Variants in BLK observed in about 807,000 individuals in gnomAD.
BLK encodes the protein BLK proto-oncogene, Src family tyrosine kinase.
In BLK, 64 loss-of-function variants were observed where a neutral mutation model predicts 61.8. The observed-to-expected ratio is 1.03, with a 90% CI of 0.85 to 1.27. The LOEUF is 1.27. Among genes scored for constraint, BLK ranks in the 50% most tolerant of loss-of-function variants. BLK has a pLI of 0.00. For missense variants in BLK, 853 were observed against 660.5 expected, an observed-to-expected ratio of 1.29 and a Z score of -3.19; for synonymous variants, 351 against 272.0, an observed-to-expected ratio of 1.29 and a Z score of -2.86.
intron 1 of BLK, among the ~76,000 whole-genome samples, chr8:11,506,951 T>C (rs1798793544): frequency 6.6e-6 from 1 of 152,196 alleles, no homozygotes; most frequent in Non-Finnish European, 1.5e-5. Flanking sequence ...TTCTTTTGTC[T>C]CTCTTTCTGC....
At chr8:11,515,943 C>G (rs558848536) in intron 1 of BLK, among the ~76,000 whole-genome samples, 1 of 152,328 alleles carries the variant, frequency 6.6e-6, no homozygotes. Context: ...CTTTGGGAGG[C>G]TTTTGTATCC....
rs1319161418 is a variant in BLK at position 11,548,142 on chromosome 8, C to A, written c.269+17C>A. The A allele has an allele frequency of 1.9e-6, 3 of 1,598,092 alleles. No homozygotes were observed. The highest frequency in any genetic ancestry group is 2.6e-6 in the Non-Finnish European group (3 of 1,166,946). Reference sequence around the variant, plus strand: ...CCTGAAGGGGTGAGGTTCCAGGACACCATCCCCTGTCCCTGCAGGACCCCC... The same window carrying A: ...CCTGAAGGGGTGAGGTTCCAGGACAACATCCCCTGTCCCTGCAGGACCCCC... On this transcript the variant is annotated intron_variant, in intron 4 of 12. Coordinates refer to ENST00000259089, the MANE Select transcript of BLK (RefSeq NM_001715.3).
intron 1 of BLK, among the ~76,000 whole-genome samples, chr8:11,513,352 TGA>T (rs1236638021): frequency 2.0e-5 from 3 of 152,166 alleles, no homozygotes; most frequent in Non-Finnish European, 4.4e-5. Context: ...TAGTGGAGAC[TGA>T]GAGGGAGTGG....
chr8:11,564,196 TG>T lies in BLK; in HGVS notation c.*89del. On this transcript the variant is annotated 3_prime_UTR_variant, in exon 13 of 13. Transcript: ENST00000259089. ...TCCCAGACGGGCCGCGAAGGCGGGG[TG>T]TCGCCTGTGCCCTTTTCTCAGACCC... 1 of 1,441,256 alleles carries T rather than the reference TG, an allele frequency of 6.9e-7. No individual in the cohort carries two copies. Among genetic ancestry groups the T allele is most frequent in the Non-Finnish European group, 9.4e-7 (1 of 1,063,396 alleles). The allele number at this position is 1,441,256 out of a possible 1,614,324, so 89.3% of individuals were successfully genotyped here.
chr8:11,532,198 T>C (rs960833611), intron 1 of BLK, among the ~76,000 whole-genome samples: 1 of 128,198 alleles, frequency 7.8e-6, no homozygotes, highest in Non-Finnish European at 1.7e-5. Context: ...TTAATATTTA[T>C]TTATTTATTT....
chr8:11,543,275 G>A lies in BLK; in HGVS notation c.51G>A (p.Glu17=), dbSNP rs1800472646. The part of the protein sequence containing the change: ...KKPDKEKPIK[E]KDKGQWSPLK... ...CGGACAAGGAAAAGCCGATCAAAGA[G>A]AAGGACAAGGGCCAATGGAGCCCCC... is the stretch of plus-strand genomic sequence containing the variant. Residue 17 remains glutamate, a synonymous_variant, in exon 2 of 13, where the codon GAG becomes GAA. Coordinates refer to ENST00000259089, the MANE Select transcript of BLK (RefSeq NM_001715.3). 1 of 1,613,936 alleles carries A rather than the reference G, an allele frequency of 6.2e-7. No individual in the cohort carries two copies. Among genetic ancestry groups the A allele is most frequent in the South Asian group, 1.1e-5 (1 of 91,086 alleles).
At chr8:11,508,988 C>T (rs1157730603) in intron 1 of BLK, among the ~76,000 whole-genome samples, 2 of 152,134 alleles carry the variant, frequency 1.3e-5, no homozygotes, top group African/African-American at 4.8e-5. Flanking sequence ...CAAGGGAGGT[C>T]GTTAGCAGCC....
At chr8:11,528,749 T>TA (rs200310386) in intron 1 of BLK, among the ~76,000 whole-genome samples, 1,585 of 152,268 alleles carry the variant, frequency 0.01, 23 homozygotes, top group African/African-American at 0.035. Flanking sequence ...GTACAGCATT[T>TA]AAGAAGAAAA....
intron 1 of BLK, among the ~76,000 whole-genome samples, chr8:11,528,806 T>C (rs1479899888): frequency 6.6e-6 from 1 of 151,864 alleles, no homozygotes; most frequent in Non-Finnish European, 1.5e-5. Context: ...TGCATGGAAG[T>C]GGATGGAGGT....
Position 11,507,961 on chromosome 8 carries a change from C to A in BLK, c.-2+13370C>A, listed in dbSNP as rs1213968622. ...GTAGAGTCAACGGCCTTCCAGTGCA[C>A]CCTTTGGTGGCTCTGTGTGGCACAT... On this transcript the variant is annotated intron_variant, in intron 1 of 12. Transcript: ENST00000259089. Among the ~76,000 whole-genome samples the A allele has an allele frequency of 2.6e-5, 4 of 152,168 alleles. No individual in the cohort carries two copies. In the East Asian group the frequency reaches 7.7e-4, roughly 29 times the overall value.
intron 1 of BLK, among the ~76,000 whole-genome samples, chr8:11,512,353 T>C (rs1694960103): frequency 6.6e-6 from 1 of 152,178 alleles, no homozygotes; most frequent in Admixed American, 6.5e-5. Context: ...CTAGCCAATA[T>C]CATTATAAGC....
intron 1 of BLK, among the ~76,000 whole-genome samples, chr8:11,518,017 G>C (rs1326720443): frequency 1.3e-5 from 2 of 152,202 alleles, no homozygotes; most frequent in Non-Finnish European, 2.9e-5. Context: ...TGACCTCACT[G>C]TCAGGGCCTG....
chr8:11,529,743 G>A (rs545474342), intron 1 of BLK, among the ~76,000 whole-genome samples: 1 of 152,310 alleles, frequency 6.6e-6, no homozygotes, highest in South Asian at 2.1e-4. Context: ...AATTAGTTCA[G>A]CCTATGCCCA....
intron 1 of BLK, among the ~76,000 whole-genome samples, chr8:11,539,445 T>C (rs1277846822): frequency 1.3e-5 from 2 of 152,188 alleles, no homozygotes; most frequent in Non-Finnish European, 2.9e-5. Context: ...TGTTTGGGAT[T>C]TTTTTTCGGG....
At chr8:11,525,606 T>A (rs1256666158) in intron 1 of BLK, among the ~76,000 whole-genome samples, 1 of 152,242 alleles carries the variant, frequency 6.6e-6, no homozygotes, top group African/African-American at 2.4e-5. Context: ...ATTTTATTAT[T>A]ATACAAGTTA....
chr8:11,550,729 C>T (rs1800862091), intron 6 of BLK, among the ~76,000 whole-genome samples: 1 of 152,244 alleles, frequency 6.6e-6, no homozygotes, highest in Non-Finnish European at 1.5e-5. Context: ...GAGGGGAGCC[C>T]ATGCCAGTCT....
At chr8:11,548,238 C>T in intron 4 of BLK, 113 bp downstream of exon 4, 1 of 902,096 alleles carries the variant, frequency 1.1e-6, no homozygotes, top group South Asian at 1.4e-5. Context: ...TCTCCATCGC[C>T]CTGCCCCCAG....
chr8:11,535,645 T>G (rs1309816745), intron 1 of BLK, among the ~76,000 whole-genome samples: 1 of 152,224 alleles, frequency 6.6e-6, no homozygotes, highest in Non-Finnish European at 1.5e-5. Context: ...GACTTTTAAA[T>G]GTCGGTGAGG....
chr8:11,538,544 G>C (rs748995033), intron 1 of BLK, among the ~76,000 whole-genome samples: 1 of 152,170 alleles, frequency 6.6e-6, no homozygotes, highest in East Asian at 1.9e-4. Flanking sequence ...CTTTCTGTCC[G>C]GTTCTTTGTT....
Sources: gnomAD v4.1 joint callset for allele counts (sites outside exome capture counted in the v4.1 genomes callset) on GRCh38, gnomAD v4.1.1 for gene constraint, MANE v1.5 for transcripts, NCBI Gene and HGNC (gene_info 2026-07-23, HGNC 2026-07-21) for gene names.